SUGCT: variants seen among roughly 807,000 people sequenced by gnomAD.
SUGCT encodes succinyl-CoA:glutarate-CoA transferase.
SUGCT carries 41 observed loss-of-function variants against 55.0 expected under a neutral mutation model. That is an observed-to-expected ratio of 0.74 (90% CI 0.58 to 0.97). SUGCT has a LOEUF of 0.97. Ranked by LOEUF, SUGCT falls within the 50% of genes least tolerant of loss-of-function variation. The probability of loss-of-function intolerance (pLI) is 0.00; values close to 1 mark genes in which losing one functional copy is unlikely to be tolerated. For synonymous variants in SUGCT, 187 were observed against 200.4 expected (o/e 0.93, Z 0.56); for missense variants, 568 against 547.8 (o/e 1.04, Z -0.37).
intron 12 of SUGCT, among the ~76,000 whole-genome samples, chr7:40,511,393 T>C (rs1583865393): frequency 6.6e-6 from 1 of 152,178 alleles, no homozygotes; most frequent in Admixed American, 6.6e-5. Context: ...TGGAGAAGGC[T>C]GAACGACATG....
chr7:40,860,370 T>C lies in SUGCT; in HGVS notation c.1208T>C (p.Leu403Pro). Residue 403 changes from leucine (L) to proline (P), a missense_variant, in exon 14 of 14, where the codon CTG becomes CCG. By Grantham distance (98) the Leu-to-Pro change is moderately conservative. Coordinates refer to ENST00000335693, the MANE Select transcript of SUGCT (RefSeq NM_001193313.2). ...ATGTCAGAGGCCAGGCCGCCCCCGCTGCTCGGGCAGCACACAACGCACATC... is the reference window on the plus strand; with the variant it reads ...ATGTCAGAGGCCAGGCCGCCCCCGCCGCTCGGGCAGCACACAACGCACATC... ...FKMSEARPPP[L>P]LGQHTTHILK... 2 of 1,613,992 alleles carry C rather than the reference T, an allele frequency of 1.2e-6. No individual in the cohort carries two copies. The highest frequency in any genetic ancestry group is 1.7e-6 in the Non-Finnish European group (2 of 1,179,868).
chr7:40,609,550 C>CAAAAAAAAAAA (rs934513690), intron 12 of SUGCT, among the ~76,000 whole-genome samples: 3 of 70,848 alleles, frequency 4.2e-5, no homozygotes, highest in African/African-American at 5.3e-5. Context: ...GACTCCATCT[C>CAAAAAAAAAAA]AAAAAAAAAA....
chr7:40,360,773 C>A (rs920373183), intron 9 of SUGCT, among the ~76,000 whole-genome samples: 15 of 152,158 alleles, frequency 9.9e-5, no homozygotes, highest in Admixed American at 6.5e-4. Flanking sequence ...GAAATTCAAA[C>A]ACTATCCTAA....
chr7:40,809,433 CTCTT>C (rs1187723501), intron 13 of SUGCT, among the ~76,000 whole-genome samples: 1 of 152,004 alleles, frequency 6.6e-6, no homozygotes, highest in African/African-American at 2.4e-5. Context: ...TGTGTGCTCT[CTCTT>C]TCACACACAC....
At chr7:40,164,491 G>GT (rs976084815) in intron 1 of SUGCT, among the ~76,000 whole-genome samples, 11 of 151,850 alleles carry the variant, frequency 7.2e-5, no homozygotes, top group Non-Finnish European at 1.5e-4. Flanking sequence ...TTTTTTTTCT[G>GT]TTTTTGTTGT....
At position 40,726,644 on chromosome 7, in the gene SUGCT, G is replaced by C. The variant is rs1394225328; in HGVS notation, c.1090-22790G>C. Among the ~76,000 whole-genome samples, 11 of 152,304 alleles carry C rather than the reference G, an allele frequency of 7.2e-5. No individual in the cohort carries two copies. In the East Asian group the frequency reaches 1.2e-3, roughly 16 times the overall value. On this transcript the variant is annotated intron_variant, in intron 12 of 13. Transcript: ENST00000335693. The stretch of plus-strand genomic sequence containing the variant: ...CTTATATTTCAGTGTAATCACACAT[G>C]AAGAGATATTACATTCAGAGTAGGG...
chr7:41,006,425 C>T, the SUGCT span, among the ~76,000 whole-genome samples: 1 of 151,902 alleles, frequency 6.6e-6, no homozygotes, highest in African/African-American at 2.4e-5. Flanking sequence ...GAAAGAGCTA[C>T]TTGAGTGCAA....
intron 12 of SUGCT, among the ~76,000 whole-genome samples, chr7:40,686,885 G>A (rs936510801): frequency 7.2e-5 from 11 of 152,120 alleles, no homozygotes; most frequent in African/African-American, 2.7e-4. Context: ...ACCTCTAGAA[G>A]CTGGGGGAGG....
chr7:40,325,010 G>C (rs10227645), intron 9 of SUGCT, among the ~76,000 whole-genome samples: 105,548 of 152,062 alleles, frequency 0.69, 36,947 homozygotes, highest in East Asian at 0.99. Flanking sequence ...TTCAACCAAG[G>C]AGTAGAGCAG....
chr7:40,830,607 A>G (rs1192058354), intron 13 of SUGCT, among the ~76,000 whole-genome samples: 1 of 152,168 alleles, frequency 6.6e-6, no homozygotes. Context: ...ATCTAACAGA[A>G]CAGGCCTGCC....
chr7:40,630,478 A>G (rs1799738461), intron 12 of SUGCT, among the ~76,000 whole-genome samples: 1 of 152,242 alleles, frequency 6.6e-6, no homozygotes, highest in Non-Finnish European at 1.5e-5. Flanking sequence ...AAACTAAAAA[A>G]TAGTAGGACC....
At chr7:40,361,317 G>A in intron 9 of SUGCT, among the ~76,000 whole-genome samples, 1 of 152,116 alleles carries the variant, frequency 6.6e-6, no homozygotes, top group East Asian at 1.9e-4. Flanking sequence ...GCTCACGCTG[G>A]TAATCCTAGC....
At chr7:40,898,672 A>C in the SUGCT span, among the ~76,000 whole-genome samples, 1 of 152,010 alleles carries the variant, frequency 6.6e-6, no homozygotes, top group East Asian at 1.9e-4. Context: ...TGCAGTGAGC[A>C]GAGATCGCGC....
intron 8 of SUGCT, among the ~76,000 whole-genome samples, chr7:40,312,644 A>G (rs12701812): frequency 0.56 from 85,145 of 152,000 alleles, 25,245 homozygotes; most frequent in Non-Finnish European, 0.67. Context: ...AGTGCAGTAG[A>G]AATCAGATAA....
chr7:40,726,767 G>A (rs944589671), intron 12 of SUGCT, among the ~76,000 whole-genome samples: 2 of 152,208 alleles, frequency 1.3e-5, no homozygotes, highest in Non-Finnish European at 2.9e-5. Flanking sequence ...GACACACACT[G>A]TACCTGACTG....
intron 13 of SUGCT, among the ~76,000 whole-genome samples, chr7:40,845,556 G>T (rs901247257): frequency 6.6e-6 from 1 of 152,152 alleles, no homozygotes; most frequent in Non-Finnish European, 1.5e-5. Flanking sequence ...GGACTGTGGG[G>T]CTAGCAAGGT....
At chr7:40,626,595 C>T (rs539401957) in intron 12 of SUGCT, among the ~76,000 whole-genome samples, 1 of 152,256 alleles carries the variant, frequency 6.6e-6, no homozygotes, top group Admixed American at 6.5e-5. Flanking sequence ...CTATTTTCAG[C>T]TTTCTCCTGG....
intron 7 of SUGCT, among the ~76,000 whole-genome samples, chr7:40,263,115 T>G (rs1791335685): frequency 6.6e-6 from 1 of 152,098 alleles, no homozygotes; most frequent in Non-Finnish European, 1.5e-5. Flanking sequence ...AAGAGATGGG[T>G]TTCACCATGT....
chr7:40,553,024 G>T (rs1317500832), intron 12 of SUGCT, among the ~76,000 whole-genome samples: 1 of 152,130 alleles, frequency 6.6e-6, no homozygotes, highest in African/African-American at 2.4e-5. Context: ...TTGAGCAGAA[G>T]ATATTTACTT....
Sources: gnomAD v4.1 joint callset for allele counts (sites outside exome capture counted in the v4.1 genomes callset) on GRCh38, gnomAD v4.1.1 for gene constraint, MANE v1.5 for transcripts, NCBI Gene and HGNC (gene_info 2026-07-23, HGNC 2026-07-21) for gene names.